The following WAC variants were observed in gnomAD, a reference collection of about 807,000 sequenced individuals.
The protein encoded by WAC is WW domain-containing adapter protein with coiled-coil.
A neutral mutation model predicts 79.6 loss-of-function variants in WAC; 11 were observed. That is an observed-to-expected ratio of 0.14 (90% confidence interval 0.09 to 0.23). The LOEUF (loss-of-function observed/expected upper bound fraction) is 0.23, where lower values mean the gene tolerates loss of function less well. Among genes scored for constraint, WAC ranks in the 10% least tolerant of loss-of-function variants. The pLI, the probability that WAC is intolerant of heterozygous loss-of-function variation, is 1.00. For missense variants in WAC, 728 were observed against 773.5 expected (o/e 0.94, Z 0.70); for synonymous variants, 304 against 276.9 (o/e 1.10, Z -0.97).
At position 28,547,697 on chromosome 10, in the gene WAC, A is replaced by G. The variant is rs7893620; in HGVS notation, c.274+11940A>G. Among the ~76,000 whole-genome samples, 336 of 152,106 alleles carry G rather than the reference A, an allele frequency of 2.2e-3. 2 individuals carry two copies. The highest frequency in any genetic ancestry group is 7.6e-3 in the African/African-American group (314 of 41,486). ...TTTTTTTTTCCCTGAAGATATTTCTAAAAATCAAACCTGGTTCTTTTTCAT... is the reference window on the plus strand; with the variant it reads ...TTTTTTTTTCCCTGAAGATATTTCTGAAAATCAAACCTGGTTCTTTTTCAT... On this transcript the variant is annotated intron_variant, in intron 3 of 13. Transcript: ENST00000354911.
rs190386389 is a variant in WAC at position 28,615,715 on chromosome 10, C to G, written c.1557-458C>G. Reference sequence around the variant, plus strand: ...GTTTTGTTTTGCCACTGTGCTTGTTCAGTGCTATCCAATAAAATGTCTGTA... The same window carrying G: ...GTTTTGTTTTGCCACTGTGCTTGTTGAGTGCTATCCAATAAAATGTCTGTA... On this transcript the variant is annotated intron_variant, in intron 11 of 13. Coordinates refer to ENST00000354911, the MANE Select transcript of WAC (RefSeq NM_016628.5). 287 of 153,128 alleles carry G rather than the reference C, an allele frequency of 1.9e-3. 2 individuals are homozygous for G. Among genetic ancestry groups the G allele is most frequent in the Admixed American group, 0.016 (241 of 15,396 alleles). The allele number at this position is 153,128 out of a possible 1,614,324, so 9.5% of individuals were successfully genotyped here.
intron 4 of WAC, among the ~76,000 whole-genome samples, chr10:28,587,083 A>G (rs1034540733): frequency 1.3e-5 from 2 of 152,142 alleles, no homozygotes; most frequent in Non-Finnish European, 1.5e-5. Flanking sequence ...GCAGTATAAC[A>G]AGACCTCATC....
At chr10:28,549,429 A>G (rs1272451529) in intron 3 of WAC, among the ~76,000 whole-genome samples, 1 of 152,164 alleles carries the variant, frequency 6.6e-6, no homozygotes, top group Non-Finnish European at 1.5e-5. Context: ...CTAATGTTCT[A>G]TAGATAATCT....
At chr10:28,534,159 C>T (rs1019921834) in intron 2 of WAC, 125 bp downstream of exon 2, 3 of 911,144 alleles carry the variant, frequency 3.3e-6, no homozygotes, top group Non-Finnish European at 4.8e-6. Flanking sequence ...GAAACTAGCA[C>T]CGCGGATCCC....
At chr10:28,595,049 A>G (rs1297482380) in intron 6 of WAC, among the ~76,000 whole-genome samples, 1 of 152,214 alleles carries the variant, frequency 6.6e-6, no homozygotes, top group Non-Finnish European at 1.5e-5. Flanking sequence ...TGTTCTGACT[A>G]TGCTGCGGGT....
At chr10:28,606,060 T>C (rs1054393391) in intron 7 of WAC, among the ~76,000 whole-genome samples, 7 of 151,992 alleles carry the variant, frequency 4.6e-5, no homozygotes, top group Admixed American at 4.6e-4. Context: ...TTTTGGTTTT[T>C]TTTTTTTTTA....
chr10:28,560,624 G>A (rs1332057501), intron 3 of WAC, among the ~76,000 whole-genome samples: 4 of 152,142 alleles, frequency 2.6e-5, no homozygotes, highest in Non-Finnish European at 4.4e-5. Flanking sequence ...ATTTAAAACC[G>A]TGAAACTAGT....
At chr10:28,588,679 T>G (rs542598023) in intron 4 of WAC, 1 of 152,346 alleles carries the variant, frequency 6.6e-6, no homozygotes, top group African/African-American at 2.4e-5. Flanking sequence ...TAGGCTATGA[T>G]AGTATAGTAC....
chr10:28,535,443 A>G (rs1836590781), intron 2 of WAC, 119 bp from the exon 3 acceptor site: 1 of 1,291,468 alleles, frequency 7.7e-7, no homozygotes, highest in Non-Finnish European at 1.1e-6. Flanking sequence ...TTGAAAGTGG[A>G]AATTTTAATT....
At chr10:28,533,923 G>A in intron 1 of WAC, 75 bp from the exon 2 acceptor site, 2 of 1,559,624 alleles carry the variant, frequency 1.3e-6, no homozygotes, top group South Asian at 1.1e-5. Context: ...GGGCGGCGGG[G>A]GCCCCGTTTT....
chr10:28,538,727 TA>T (rs769305469), intron 3 of WAC, among the ~76,000 whole-genome samples: 334 of 143,258 alleles, frequency 2.3e-3, no homozygotes, highest in African/African-American at 2.9e-3. Context: ...CTGTGTCTAC[TA>T]AAAAAAAAAA....
At chr10:28,553,797 C>T (rs931100224) in intron 3 of WAC, among the ~76,000 whole-genome samples, 15 of 152,280 alleles carry the variant, frequency 9.9e-5, no homozygotes, top group Admixed American at 5.2e-4. Context: ...CATGTACAGA[C>T]TTCTTTTTTA....
chr10:28,600,397 T>C (rs538190215), intron 7 of WAC, among the ~76,000 whole-genome samples: 5 of 152,276 alleles, frequency 3.3e-5, no homozygotes, highest in Admixed American at 6.5e-5. Context: ...TAGGCTCTTA[T>C]AGCTGATGTA....
chr10:28,548,683 T>C (rs1485047116), intron 3 of WAC, among the ~76,000 whole-genome samples: 1 of 152,178 alleles, frequency 6.6e-6, no homozygotes, highest in African/African-American at 2.4e-5. Flanking sequence ...ATCATACCCG[T>C]GTTACTGGGT....
At chr10:28,550,867 C>T (rs761405757) in intron 3 of WAC, among the ~76,000 whole-genome samples, 47 of 152,176 alleles carry the variant, frequency 3.1e-4, no homozygotes, top group Non-Finnish European at 2.9e-4. Context: ...CATTATCAAT[C>T]TCTTAAGTAG....
At chr10:28,534,967 C>A (rs1016835070) in intron 2 of WAC, among the ~76,000 whole-genome samples, 1 of 152,062 alleles carries the variant, frequency 6.6e-6, no homozygotes, top group Non-Finnish European at 1.5e-5. Context: ...TTATTTTGAG[C>A]GCATTATGCT....
chr10:28,563,926 A>G (rs1190542092), intron 3 of WAC, among the ~76,000 whole-genome samples: 2 of 151,798 alleles, frequency 1.3e-5, no homozygotes, highest in Non-Finnish European at 2.9e-5. Flanking sequence ...AACAAGAATT[A>G]TAGTAAAATA....
intron 3 of WAC, among the ~76,000 whole-genome samples, chr10:28,578,269 G>A (rs1053972006): frequency 2.0e-5 from 3 of 152,186 alleles, no homozygotes; most frequent in African/African-American, 7.2e-5. Context: ...CCACTACTGA[G>A]CTTTATTCAG....
chr10:28,589,972 G>A (rs1840004444), intron 5 of WAC, 121 bp downstream of exon 5: 2 of 668,032 alleles, frequency 3.0e-6, no homozygotes, highest in African/African-American at 1.9e-5. Context: ...ACACTTTTTA[G>A]TTGCGGTGGT....
Sources: allele counts gnomAD v4.1 joint callset (sites outside exome capture counted in the v4.1 genomes callset), GRCh38; gene constraint gnomAD v4.1.1; transcripts MANE v1.5; gene names NCBI Gene and HGNC (gene_info 2026-07-23, HGNC 2026-07-21).